The following DENND1A variants were observed in gnomAD, a reference collection of about 807,000 sequenced individuals.
DENND1A encodes the protein DENN domain containing 1A.
In DENND1A, 51 loss-of-function variants were observed where a neutral mutation model predicts 113.7. The ratio of observed to expected loss-of-function variants is 0.45; its 90% CI spans 0.36 to 0.57. The LOEUF (loss-of-function observed/expected upper bound fraction) is 0.57. DENND1A is among the 20% of genes least tolerant of loss of function. The pLI, the probability that DENND1A is intolerant of heterozygous loss-of-function variation, is 0.00. For synonymous variants in DENND1A, 565 were observed against 570.8 expected, an observed-to-expected ratio of 0.99 and a Z score of 0.14; for missense variants, 1,258 against 1,395.9, an observed-to-expected ratio of 0.90 and a Z score of 1.57.
chr9:123,779,872 C>CTTTTTTTTTTTT lies in DENND1A; in HGVS notation c.133-10310_133-10309insAAAAAAAAAAAA, dbSNP rs72419269. On this transcript the variant is annotated intron_variant, in intron 3 of 23. Transcript: ENST00000394215. ...CCTTTCACATTCCACTTGCATGAGA[C>CTTTTTTTTTTTT]TTTTTTTTGAGACGGAGTCTCGCTC... Among the ~76,000 whole-genome samples the CTTTTTTTTTTTT allele has an allele frequency of 7.3e-4, 105 of 143,870 alleles. 3 individuals are homozygous for CTTTTTTTTTTTT. The highest frequency in any genetic ancestry group is 3.5e-3 in the Middle Eastern group (1 of 282). 94.4% of individuals were successfully genotyped at this position (143,870 alleles called of 152,430 possible).
chr9:123,544,212 G>A (rs1373672187), intron 13 of DENND1A, among the ~76,000 whole-genome samples: 2 of 152,180 alleles, frequency 1.3e-5, no homozygotes, highest in Non-Finnish European at 2.9e-5. Context: ...AGGAAAAGAG[G>A]AGGAAGGGCT....
chr9:123,737,041 T>C (rs750675835), intron 5 of DENND1A, among the ~76,000 whole-genome samples: 1 of 152,248 alleles, frequency 6.6e-6, no homozygotes, highest in Non-Finnish European at 1.5e-5. Flanking sequence ...AAAAATTCCA[T>C]TGAAGTCAAT....
At chr9:123,384,355 G>A (rs981003059) in intron 22 of DENND1A, among the ~76,000 whole-genome samples, 2 of 152,232 alleles carry the variant, frequency 1.3e-5, no homozygotes, top group Non-Finnish European at 2.9e-5. Flanking sequence ...TCTGTGAACA[G>A]CCCATGGGGA....
intron 13 of DENND1A, among the ~76,000 whole-genome samples, chr9:123,497,521 C>A (rs2052039302): frequency 6.6e-6 from 1 of 152,150 alleles, no homozygotes. Flanking sequence ...TGGGGTCTCA[C>A]TATATTGACC....
chr9:123,654,510 T>TC (rs2062831594), intron 8 of DENND1A, among the ~76,000 whole-genome samples: 1 of 151,828 alleles, frequency 6.6e-6, no homozygotes, highest in Non-Finnish European at 1.5e-5. Flanking sequence ...GAAAAAAAAA[T>TC]CACAAGGATA....
intron 5 of DENND1A, among the ~76,000 whole-genome samples, chr9:123,681,858 C>G (rs2064484303): frequency 6.6e-6 from 1 of 151,280 alleles, no homozygotes; most frequent in Non-Finnish European, 1.5e-5. Context: ...GGAACCTGGG[C>G]TCCTTGAAAA....
intron 2 of DENND1A, among the ~76,000 whole-genome samples, chr9:123,858,257 G>A (rs1366423190): frequency 6.6e-6 from 1 of 152,150 alleles, no homozygotes; most frequent in Admixed American, 6.5e-5. Context: ...GAATCACCTT[G>A]TTTGCAGTAG....
At chr9:123,478,004 G>A (rs868261223) in intron 13 of DENND1A, among the ~76,000 whole-genome samples, 13 of 152,158 alleles carry the variant, frequency 8.5e-5, no homozygotes, top group African/African-American at 2.9e-4. Flanking sequence ...TCTTCACTGG[G>A]ACATGTGGAA....
intron 3 of DENND1A, among the ~76,000 whole-genome samples, chr9:123,781,164 T>C (rs1164797416): frequency 3.9e-5 from 6 of 151,942 alleles, no homozygotes; most frequent in Non-Finnish European, 8.8e-5. Flanking sequence ...AGGAATAGAG[T>C]GAAATGTTTG....
chr9:123,689,911 T>A (rs2065055081), intron 5 of DENND1A, among the ~76,000 whole-genome samples: 1 of 151,116 alleles, frequency 6.6e-6, no homozygotes, highest in Non-Finnish European at 1.5e-5. Context: ...ATGGCTTGAG[T>A]CCAAGAGTTG....
At chr9:123,734,963 C>A (rs1464085402) in intron 5 of DENND1A, among the ~76,000 whole-genome samples, 1 of 152,184 alleles carries the variant, frequency 6.6e-6, no homozygotes, top group Admixed American at 6.5e-5. Context: ...CGCTACAATC[C>A]TCCAAGGACT....
intron 9 of DENND1A, among the ~76,000 whole-genome samples, chr9:123,648,900 A>AAT (rs1182262180): frequency 1.3e-5 from 2 of 152,184 alleles, no homozygotes; most frequent in Non-Finnish European, 2.9e-5. Flanking sequence ...CCTTTTATAA[A>AAT]ATAAAGAGCC....
At chr9:123,531,554 T>TACACACAC (rs57819030) in intron 13 of DENND1A, among the ~76,000 whole-genome samples, 1,200 of 103,132 alleles carry the variant, frequency 0.012, 17 homozygotes, top group South Asian at 0.017. Flanking sequence ...CCTCTCTCTC[T>TACACACAC]ACACACACAC....
At chr9:123,525,568 G>T (rs1449653411) in intron 13 of DENND1A, among the ~76,000 whole-genome samples, 1 of 152,106 alleles carries the variant, frequency 6.6e-6, no homozygotes, top group Admixed American at 6.5e-5. Context: ...ATAACTCACT[G>T]AACAATACCG....
At chr9:123,746,680 C>T (rs866663391) in intron 5 of DENND1A, among the ~76,000 whole-genome samples, 5 of 152,054 alleles carry the variant, frequency 3.3e-5, no homozygotes, top group East Asian at 1.9e-4. Context: ...ATCTGAGGAA[C>T]GCACAAGTTC....
At chr9:123,665,023 A>C (rs2063427936) in intron 8 of DENND1A, among the ~76,000 whole-genome samples, 1 of 152,152 alleles carries the variant, frequency 6.6e-6, no homozygotes, top group African/African-American at 2.4e-5. Flanking sequence ...GTAAATTCCC[A>C]AACTTTCTGG....
chr9:123,765,247 G>C (rs1828588703), intron 4 of DENND1A, among the ~76,000 whole-genome samples: 1 of 152,210 alleles, frequency 6.6e-6, no homozygotes, highest in Admixed American at 6.5e-5. Context: ...TTGGAGGTCA[G>C]ACAAATGAGG....
chr9:123,700,817 C>T lies in DENND1A; in HGVS notation c.303-24028G>A, dbSNP rs1263158338. Among the ~76,000 whole-genome samples the T allele has an allele frequency of 5.3e-5, 8 of 152,334 alleles. No homozygotes were observed. In the East Asian group the frequency reaches 1.5e-3, roughly 29 times the overall value. On this transcript the variant is annotated intron_variant, in intron 5 of 23. Transcript: ENST00000394215. Reference sequence around the variant, plus strand: ...ATTAACCATCATAACATCTTGACAACATGGAATCCTTGAATCCATCAGCCT... The same window carrying T: ...ATTAACCATCATAACATCTTGACAATATGGAATCCTTGAATCCATCAGCCT...
At chr9:123,877,247 T>C (rs1390787536) in intron 2 of DENND1A, among the ~76,000 whole-genome samples, 1 of 152,004 alleles carries the variant, frequency 6.6e-6, no homozygotes, top group Admixed American at 6.6e-5. Flanking sequence ...TCCCAACACT[T>C]TGGGAGGCTG....
Sources: allele counts gnomAD v4.1 joint callset (sites outside exome capture counted in the v4.1 genomes callset), GRCh38; gene constraint gnomAD v4.1.1; transcripts MANE v1.5; gene names NCBI Gene and HGNC (gene_info 2026-07-23, HGNC 2026-07-21).